ARHGAP5: variants seen among roughly 807,000 people sequenced by gnomAD.
The protein encoded by ARHGAP5 is rho GTPase-activating protein 5.
Under a neutral mutation model 116.6 loss-of-function variants are expected in ARHGAP5, and 23 were observed. The ratio of observed to expected loss-of-function variants is 0.20; its 90% confidence interval spans 0.14 to 0.28. The LOEUF (loss-of-function observed/expected upper bound fraction) is 0.28, where lower values mean the gene tolerates loss of function less well. ARHGAP5 is among the 10% of genes least tolerant of loss of function. The pLI, the probability that ARHGAP5 is intolerant of heterozygous loss-of-function variation, is 1.00. For synonymous variants in ARHGAP5, 574 were observed against 602.0 expected, an observed-to-expected ratio of 0.95 and a Z score of 0.68; for missense variants, 1,405 against 1,774.8, an observed-to-expected ratio of 0.79 and a Z score of 3.74.
chr14:32,078,866 A>T (rs1014361888), intron 1 of ARHGAP5, among the ~76,000 whole-genome samples: 1 of 152,248 alleles, frequency 6.6e-6, no homozygotes, highest in African/African-American at 2.4e-5. Context: ...CTGTAATACG[A>T]TAAAACGGTA....
chr14:32,134,936 T>C (rs1178627109), intron 3 of ARHGAP5, among the ~76,000 whole-genome samples: 1 of 152,216 alleles, frequency 6.6e-6, no homozygotes, highest in African/African-American at 2.4e-5. Flanking sequence ...AGAGTGTTCT[T>C]ATATTTCATT....
At chr14:32,135,734 C>G (rs886934635) in intron 3 of ARHGAP5, among the ~76,000 whole-genome samples, 56 of 152,164 alleles carry the variant, frequency 3.7e-4, no homozygotes, top group African/African-American at 1.3e-3. Context: ...ATTTTTAGGT[C>G]TAAGTTTTAA....
At chr14:32,114,881 C>A (rs1297532950) in intron 2 of ARHGAP5, among the ~76,000 whole-genome samples, 1 of 152,170 alleles carries the variant, frequency 6.6e-6, no homozygotes, top group Non-Finnish European at 1.5e-5. Flanking sequence ...CCTGCCTGTG[C>A]GCCTTCCCCT....
chr14:32,150,232 G>A (rs553613996), intron 5 of ARHGAP5, among the ~76,000 whole-genome samples, 199 bp downstream of exon 5: 26 of 152,260 alleles, frequency 1.7e-4, no homozygotes, highest in African/African-American at 5.3e-4. Flanking sequence ...TTCTGTTTTA[G>A]CTAGCCCCCT....
chr14:32,092,255 A>T lies in ARHGAP5; in HGVS notation c.1586A>T (p.Lys529Ile). The change falls in exon 2 of 7, where the codon AAA (lysine) becomes ATA (isoleucine). Residue 529 changes from lysine (K) to isoleucine (I), a missense_variant. Around this residue, in one of 6 missense-constraint regions of ARHGAP5, gnomAD observed 944 missense variants for 1,095.3 expected, o/e 0.86. Transcript: ENST00000345122. The surrounding 1 kb of genome is among the most constrained non-coding windows in gnomAD (Gnocchi z 4.1). Reference protein sequence around the residue: ...HTVLSEEPRYKALQKLAPDRE... With the variant: ...HTVLSEEPRYIALQKLAPDRE... ...GTTCTGAGTGAAGAACCTAGATATAAAGCTTTACAGAAACTTGCACCTGAT... is the reference window on the plus strand; with the variant it reads ...GTTCTGAGTGAAGAACCTAGATATATAGCTTTACAGAAACTTGCACCTGAT... The T allele has an allele frequency of 6.2e-7, 1 of 1,613,532 alleles. No homozygotes were observed. Among genetic ancestry groups the T allele is most frequent in the Non-Finnish European group, 8.5e-7 (1 of 1,179,690 alleles).
intron 3 of ARHGAP5, among the ~76,000 whole-genome samples, chr14:32,138,409 G>T (rs559063858): frequency 6.6e-6 from 1 of 152,090 alleles, no homozygotes; most frequent in East Asian, 1.9e-4. Flanking sequence ...TCAGCTTCCC[G>T]AGTAGCTGGG....
chr14:32,095,939 GTTTT>G (rs1041609674), intron 2 of ARHGAP5, among the ~76,000 whole-genome samples: 1 of 149,914 alleles, frequency 6.7e-6, no homozygotes, highest in Non-Finnish European at 1.5e-5. Context: ...TTATTTTTGT[GTTTT>G]TTTTTCCATT....
At chr14:32,144,150 A>T (rs1241435722) in intron 3 of ARHGAP5, among the ~76,000 whole-genome samples, 1 of 152,220 alleles carries the variant, frequency 6.6e-6, no homozygotes, top group East Asian at 1.9e-4. Flanking sequence ...AATTGGAGAT[A>T]GCAGGGAACG....
chr14:32,111,224 A>G (rs1039607105), intron 2 of ARHGAP5, among the ~76,000 whole-genome samples: 4 of 152,214 alleles, frequency 2.6e-5, no homozygotes, highest in African/African-American at 9.6e-5. Context: ...TAATCGTGCC[A>G]CTGCACTACA....
At chr14:32,136,958 G>A (rs1369622858) in intron 3 of ARHGAP5, among the ~76,000 whole-genome samples, 4 of 151,536 alleles carry the variant, frequency 2.6e-5, no homozygotes, top group South Asian at 2.1e-4. Flanking sequence ...AAGTTGTTAA[G>A]TTGATTCCTA....
At chr14:32,153,709 G>A (rs990678001) in intron 6 of ARHGAP5, among the ~76,000 whole-genome samples, 8 of 151,886 alleles carry the variant, frequency 5.3e-5, no homozygotes, top group Non-Finnish European at 1.0e-4. Flanking sequence ...TTGACCTTGT[G>A]ATCCGCCTAC....
At chr14:32,085,663 A>G (rs1192050089) in intron 1 of ARHGAP5, among the ~76,000 whole-genome samples, 2 of 152,170 alleles carry the variant, frequency 1.3e-5, no homozygotes, top group African/African-American at 2.4e-5. Flanking sequence ...ATTTGTTTAC[A>G]TAAGGGATAG....
rs200687781 is a variant in ARHGAP5 at position 32,092,636 on chromosome 14, A to T, written c.1967A>T (p.His656Leu). 6.2e-7 allele frequency: 1 copy of T among 1,613,912 alleles called. No homozygotes were observed. The highest frequency in any genetic ancestry group is 1.3e-5 in the African/African-American group (1 of 75,012). ...SQLWTAAFKP[H>L]GCFCVFNSIE... is the part of the protein sequence containing the mutation. The stretch of plus-strand genomic sequence containing the variant: ...TTATGGACTGCCGCCTTTAAACCAC[A>T]TGGGTGCTTCTGTGTATTTAATTCC... Residue 656 changes from histidine to leucine, a missense_variant, in exon 2 of 7, where the codon CAT (histidine) becomes CTT (leucine). Around this residue, in one of 6 missense-constraint regions of ARHGAP5, gnomAD observed 944 missense variants for 1,095.3 expected, o/e 0.86. Transcript: ENST00000345122. The surrounding 1 kb of genome is among the most constrained non-coding windows in gnomAD (Gnocchi z 4.1).
chr14:32,145,268 G>T (rs73268977), intron 3 of ARHGAP5, among the ~76,000 whole-genome samples: 3,000 of 152,254 alleles, frequency 0.02, 96 homozygotes, highest in African/African-American at 0.067. Flanking sequence ...TCCAGAAAGG[G>T]TAAAGAACTC....
chr14:32,098,831 C>G (rs1878654872), intron 2 of ARHGAP5, among the ~76,000 whole-genome samples: 1 of 152,228 alleles, frequency 6.6e-6, no homozygotes, highest in Non-Finnish European at 1.5e-5. Context: ...AGACCAGACT[C>G]TGAGACTAGT....
chr14:32,145,160 G>C (rs1264461320), intron 3 of ARHGAP5, among the ~76,000 whole-genome samples: 1 of 152,188 alleles, frequency 6.6e-6, no homozygotes, highest in Non-Finnish European at 1.5e-5. Flanking sequence ...GCTTCCATTG[G>C]CTTTCACTGA....
At chr14:32,087,735 T>G (rs1275196136) in intron 1 of ARHGAP5, among the ~76,000 whole-genome samples, 1 of 152,040 alleles carries the variant, frequency 6.6e-6, no homozygotes, top group Non-Finnish European at 1.5e-5. Flanking sequence ...AGGATGTTCC[T>G]CCCTGTATCT....
chr14:32,097,554 T>A (rs1461765993), intron 2 of ARHGAP5, among the ~76,000 whole-genome samples: 1 of 152,146 alleles, frequency 6.6e-6, no homozygotes, highest in Non-Finnish European at 1.5e-5. Context: ...CATTCCCTTT[T>A]TAATCAAAAA....
intron 6 of ARHGAP5, among the ~76,000 whole-genome samples, chr14:32,153,134 A>G (rs537276044): frequency 5.3e-5 from 8 of 151,138 alleles, no homozygotes; most frequent in Admixed American, 2.0e-4. Context: ...GGATTCACCA[A>G]TGTTTAAAGC....
Sources: allele counts gnomAD v4.1 joint callset (sites outside exome capture counted in the v4.1 genomes callset), GRCh38; gene constraint gnomAD v4.1.1; regional missense constraint gnomAD v4.1.1; non-coding constraint Gnocchi (gnomAD v3.1); transcripts MANE v1.5; gene names NCBI Gene and HGNC (gene_info 2026-07-23, HGNC 2026-07-21).